Variants in SDK1 observed in about 807,000 individuals in gnomAD.
The protein encoded by SDK1 is protein sidekick-1.
SDK1 carries 157 observed loss-of-function variants against 245.5 expected under a neutral mutation model. The ratio of observed to expected loss-of-function variants is 0.64; its 90% CI spans 0.56 to 0.73. The LOEUF is 0.73. SDK1 is among the 30% of genes least tolerant of loss of function. The pLI is 0.00. For synonymous variants in SDK1, 1,647 were observed against 1,278.5 expected (o/e 1.29, Z -6.15); for missense variants, 3,583 against 3,002.3 (o/e 1.19, Z -4.52).
At chr7:3,444,718 G>A (rs1780295346) in intron 1 of SDK1, among the ~76,000 whole-genome samples, 2 of 152,120 alleles carry the variant, frequency 1.3e-5, no homozygotes, top group African/African-American at 4.8e-5. Context: ...GTTTTCAGTA[G>A]GCCAGTCCCC....
At chr7:3,695,457 T>A (rs557278311) in intron 4 of SDK1, among the ~76,000 whole-genome samples, 2 of 152,350 alleles carry the variant, frequency 1.3e-5, no homozygotes, top group African/African-American at 4.8e-5. Flanking sequence ...TACATATGTT[T>A]TTTGTTATGG....
chr7:3,652,320 G>C (rs13240060), intron 4 of SDK1, among the ~76,000 whole-genome samples: 34,423 of 152,118 alleles, frequency 0.23, 4,634 homozygotes, highest in Non-Finnish European at 0.3. Flanking sequence ...AGCCAGGAGA[G>C]AGTGAGGATG....
At chr7:4,044,568 C>G (rs766551097) in intron 17 of SDK1, among the ~76,000 whole-genome samples, 5 of 152,178 alleles carry the variant, frequency 3.3e-5, no homozygotes, top group Non-Finnish European at 7.4e-5. Flanking sequence ...CTCAGCCTCC[C>G]AAGTAGCTAG....
At position 4,178,466 on chromosome 7, in the gene SDK1, A is replaced by G. The variant is rs774105274; in HGVS notation, c.4997-19A>G. The G allele has an allele frequency of 3.8e-6, 6 of 1,578,668 alleles. No homozygotes were observed. The highest frequency in any genetic ancestry group is 5.2e-6 in the Non-Finnish European group (6 of 1,147,858). ...GTGGTCCTGGTGGAAGCTGATCCAT[A>G]TTTCCTTCAACCCTGCAGATTTAAA... On this transcript the variant is annotated intron_variant, in intron 34 of 44. Transcript: ENST00000404826.
Position 3,962,834 on chromosome 7 carries a change from C to T in SDK1, c.1412C>T (p.Thr471Ile), listed in dbSNP as rs1395572205. 3.7e-6 allele frequency: 6 copies of T among 1,612,574 alleles called. No individual in the cohort carries two copies. Among genetic ancestry groups the T allele is most frequent in the Admixed American group, 1.7e-5 (1 of 59,896 alleles). ...SNEGGEIQTHTYLDVTNIAPV... is the reference protein window; with the variant it reads ...SNEGGEIQTHIYLDVTNIAPV... ...GAAGGAGGGGAGATCCAGACCCACA[C>T]CTACCTGGATGTAACCAGTGAGTAC... Residue 471 changes from threonine (T) to isoleucine (I), a missense_variant, in exon 9 of 45, where the codon ACC (threonine) becomes ATC (isoleucine). Transcript: ENST00000404826.
intron 5 of SDK1, among the ~76,000 whole-genome samples, chr7:3,893,144 A>T (rs139686139): frequency 4.3e-4 from 65 of 152,198 alleles, no homozygotes; most frequent in African/African-American, 1.5e-3. Context: ...TGTGGGTAGG[A>T]TAATTATTTT....
chr7:4,038,064 C>T (rs542742462), intron 17 of SDK1, among the ~76,000 whole-genome samples: 3 of 152,334 alleles, frequency 2.0e-5, no homozygotes, highest in South Asian at 4.1e-4. Flanking sequence ...GCCCAGCTCA[C>T]AGCTGTGACC....
In SDK1 at chr7:3,497,757, T is replaced by C. The variant is rs567543324; in HGVS notation, c.299-121323T>C. 4.6e-5 allele frequency among the ~76,000 whole-genome samples: 7 copies of C among 152,344 alleles called. No individual in the cohort carries two copies. In the East Asian group the frequency reaches 1.3e-3, roughly 29 times the overall value. Reference sequence around the variant, plus strand: ...ATGCTATTTAGGCCATGGAGAGCTTTTGATTTTGTTTCCTTTCTTTCTTCC... The same window carrying C: ...ATGCTATTTAGGCCATGGAGAGCTTCTGATTTTGTTTCCTTTCTTTCTTCC... On this transcript the variant is annotated intron_variant, in intron 1 of 44. Coordinates refer to ENST00000404826, the MANE Select transcript of SDK1 (RefSeq NM_152744.4).
At chr7:3,411,308 GA>G (rs1347759954) in intron 1 of SDK1, among the ~76,000 whole-genome samples, 2 of 152,288 alleles carry the variant, frequency 1.3e-5, no homozygotes, top group African/African-American at 4.8e-5. Flanking sequence ...TGAGAACTAA[GA>G]AAAGGCAGTT....
At chr7:3,493,830 T>G (rs967804642) in intron 1 of SDK1, among the ~76,000 whole-genome samples, 7 of 152,230 alleles carry the variant, frequency 4.6e-5, no homozygotes, top group East Asian at 1.9e-4. Flanking sequence ...TGTCTCTACA[T>G]GGAATGACCA....
chr7:3,978,220 C>G (rs760890214), intron 13 of SDK1, among the ~76,000 whole-genome samples: 2 of 152,030 alleles, frequency 1.3e-5, no homozygotes, highest in Admixed American at 1.3e-4. Flanking sequence ...AATAAATAAG[C>G]GTTAGCAGTT....
chr7:3,381,135 A>G (rs1781477506), intron 1 of SDK1, among the ~76,000 whole-genome samples: 1 of 152,176 alleles, frequency 6.6e-6, no homozygotes, highest in Non-Finnish European at 1.5e-5. Flanking sequence ...GAGTAAGAAG[A>G]GAATCCATGA....
intron 1 of SDK1, among the ~76,000 whole-genome samples, chr7:3,511,165 G>C (rs1017173454): frequency 5.9e-5 from 9 of 152,154 alleles, no homozygotes; most frequent in Non-Finnish European, 1.3e-4. Context: ...TGTTACACTT[G>C]TTTCTGCTCA....
chr7:3,685,438 C>T (rs1461756383), intron 4 of SDK1, among the ~76,000 whole-genome samples: 1 of 152,116 alleles, frequency 6.6e-6, no homozygotes, highest in Non-Finnish European at 1.5e-5. Flanking sequence ...TGTTAGCAAA[C>T]CTGTCCTATT....
intron 17 of SDK1, among the ~76,000 whole-genome samples, chr7:4,034,836 A>G (rs921168635): frequency 2.0e-5 from 3 of 152,236 alleles, no homozygotes; most frequent in Non-Finnish European, 4.4e-5. Flanking sequence ...CATATTATAT[A>G]TCATAACAGA....
In SDK1 at chr7:3,379,391, C is replaced by T. The variant is rs112392806; in HGVS notation, c.298+77507C>T. 6.6e-5 allele frequency among the ~76,000 whole-genome samples: 10 copies of T among 152,174 alleles called. 2 individuals carry two copies. Among genetic ancestry groups the T allele is most frequent in the African/African-American group, 2.4e-4 (10 of 41,494 alleles). Reference sequence around the variant, plus strand: ...TGGGAGAGGGGTTGCCATGGAAGTCCACCTGGAGCACGTGTGACAATTGAC... The same window carrying T: ...TGGGAGAGGGGTTGCCATGGAAGTCTACCTGGAGCACGTGTGACAATTGAC... On this transcript the variant is annotated intron_variant, in intron 1 of 44. Transcript: ENST00000404826.
At chr7:3,615,797 C>T (rs1781749367) in intron 1 of SDK1, among the ~76,000 whole-genome samples, 1 of 148,170 alleles carries the variant, frequency 6.7e-6, no homozygotes, top group Admixed American at 6.7e-5. Context: ...ATTCCACGCC[C>T]TCTTTTTTTC....
Position 3,401,374 on chromosome 7 carries a change from C to T in SDK1, c.298+99490C>T, listed in dbSNP as rs550152821. On this transcript the variant is annotated intron_variant, in intron 1 of 44. Coordinates refer to ENST00000404826, the MANE Select transcript of SDK1 (RefSeq NM_152744.4). ...TTTCCTGTTTACTGTGTGACAAGAG[C>T]ATTATGGGGCCTTGAAAATGGCAGT... Among the ~76,000 whole-genome samples the T allele has an allele frequency of 5.9e-5, 9 of 152,268 alleles. No individual in the cohort carries two copies. The South Asian group carries it at 1.7e-3, about 28-fold the overall frequency.
chr7:3,513,264 A>G (rs1027803429), intron 1 of SDK1, among the ~76,000 whole-genome samples: 2 of 152,200 alleles, frequency 1.3e-5, no homozygotes, highest in African/African-American at 4.8e-5. Context: ...ACTGAAGCCT[A>G]GAAAGATGGT....
Sources: gnomAD v4.1 joint callset for allele counts (sites outside exome capture counted in the v4.1 genomes callset) on GRCh38, gnomAD v4.1.1 for gene constraint, MANE v1.5 for transcripts, NCBI Gene and HGNC (gene_info 2026-07-23, HGNC 2026-07-21) for gene names.